Variants in RPTOR observed in about 807,000 individuals in gnomAD.
RPTOR encodes the protein regulatory-associated protein of mTOR.
RPTOR carries 21 observed loss-of-function variants against 169.9 expected under a neutral mutation model. The observed-to-expected ratio is 0.12, with a 90% CI of 0.09 to 0.18. RPTOR has a LOEUF of 0.18. RPTOR is among the 10% of genes least tolerant of loss of function. RPTOR has a pLI of 1.00. For missense variants in RPTOR, 1,133 were observed against 1,855.9 expected, an observed-to-expected ratio of 0.61 and a Z score of 7.16; for synonymous variants, 732 against 753.2, an observed-to-expected ratio of 0.97 and a Z score of 0.46.
chr17:80,615,756 C>T (rs1169071049), intron 1 of RPTOR, among the ~76,000 whole-genome samples: 1 of 152,170 alleles, frequency 6.6e-6, no homozygotes, highest in Admixed American at 6.5e-5. Context: ...TTCCCTTCCT[C>T]CATTCTTTTT....
chr17:80,832,429 G>C (rs574964963), intron 9 of RPTOR, among the ~76,000 whole-genome samples: 1 of 152,182 alleles, frequency 6.6e-6, no homozygotes, highest in African/African-American at 2.4e-5. Context: ...TCGCCCCCCT[G>C]TCCTGTGGCA....
chr17:80,694,517 A>C (rs1003942534), intron 3 of RPTOR, among the ~76,000 whole-genome samples: 7 of 152,042 alleles, frequency 4.6e-5, no homozygotes, highest in African/African-American at 1.7e-4. Context: ...CTTTCCCGTG[A>C]ATGTGTTGGT....
At chr17:80,677,573 C>T (rs752117909) in intron 3 of RPTOR, among the ~76,000 whole-genome samples, 2 of 152,132 alleles carry the variant, frequency 1.3e-5, no homozygotes, top group Non-Finnish European at 2.9e-5. Flanking sequence ...GCCTCACCTC[C>T]CACCTTCCCT....
At chr17:80,577,168 A>G (rs188929635) in intron 1 of RPTOR, among the ~76,000 whole-genome samples, 166 of 152,160 alleles carry the variant, frequency 1.1e-3, no homozygotes, top group African/African-American at 3.6e-3. Context: ...AGTAGCTGAA[A>G]TTACAGGCAT....
chr17:80,799,698 C>T (rs914870110), intron 7 of RPTOR, among the ~76,000 whole-genome samples: 6 of 152,080 alleles, frequency 3.9e-5, no homozygotes, highest in Admixed American at 6.5e-5. Flanking sequence ...GTCTGCCTCA[C>T]GCTCTGCACA....
At chr17:80,829,660 G>A (rs1362220099) in intron 9 of RPTOR, among the ~76,000 whole-genome samples, 1 of 152,202 alleles carries the variant, frequency 6.6e-6, no homozygotes, top group Non-Finnish European at 1.5e-5. Flanking sequence ...GCAGTGCCGC[G>A]TGCATGGAGA....
Position 80,651,682 on chromosome 17 carries a change from ACCAGCCTGG to A in RPTOR, c.348+7876_348+7884del, listed in dbSNP as rs2065640804. 6.6e-6 allele frequency among the ~76,000 whole-genome samples: 1 copy of A among 151,298 alleles called. No individual in the cohort carries two copies. Among genetic ancestry groups the A allele is most frequent in the Non-Finnish European group, 1.5e-5 (1 of 67,904 alleles). On this transcript the variant is annotated intron_variant, in intron 3 of 33. Coordinates refer to ENST00000306801, the MANE Select transcript of RPTOR (RefSeq NM_020761.3). This position sits in a 1 kb window ranked among gnomAD's most constrained non-coding sequence, Gnocchi z 4.1. ...GATCACCTGAGGTCAAGAGTTGGAGACCAGCCTGGCCAACATGGTGAAACCTTGTCTCTA... is the reference window on the plus strand; with the variant it reads ...GATCACCTGAGGTCAAGAGTTGGAGACCAACATGGTGAAACCTTGTCTCTA...
intron 14 of RPTOR, 75 bp from the exon 15 acceptor site, chr17:80,883,344 G>A: frequency 7.6e-7 from 1 of 1,312,688 alleles, no homozygotes; most frequent in Non-Finnish European, 1.1e-6. Flanking sequence ...GATTCCGAAA[G>A]GATCACGCTG....
At chr17:80,902,623 C>A (rs867273743) in intron 20 of RPTOR, among the ~76,000 whole-genome samples, 3 of 152,390 alleles carry the variant, frequency 2.0e-5, no homozygotes, top group African/African-American at 2.4e-5. Context: ...GTGTTCCTGA[C>A]GGCCACAAGT....
At chr17:80,576,657 A>G (rs1287058417) in intron 1 of RPTOR, among the ~76,000 whole-genome samples, 11 of 152,186 alleles carry the variant, frequency 7.2e-5, no homozygotes, top group Admixed American at 6.5e-4. Flanking sequence ...ATGACGGTCT[A>G]CTGATGCCAC....
At chr17:80,710,816 T>G (rs2066183852) in intron 4 of RPTOR, among the ~76,000 whole-genome samples, 1 of 152,228 alleles carries the variant, frequency 6.6e-6, no homozygotes, top group Non-Finnish European at 1.5e-5. Context: ...ACAGGGATTC[T>G]TCTTTGTCTT....
intron 21 of RPTOR, among the ~76,000 whole-genome samples, chr17:80,913,087 C>A (rs761410161): frequency 6.6e-5 from 10 of 152,162 alleles, no homozygotes; most frequent in Non-Finnish European, 1.0e-4. Context: ...GCTACTAAAG[C>A]ATTTGGAAGC....
At chr17:80,622,344 T>A (rs923885453) in intron 1 of RPTOR, among the ~76,000 whole-genome samples, 1 of 152,224 alleles carries the variant, frequency 6.6e-6, no homozygotes, top group Admixed American at 6.5e-5. Context: ...AATGTCTAGT[T>A]TTAAGCAGTT....
At chr17:80,804,870 T>C (rs1173821800) in intron 7 of RPTOR, 1 of 152,268 alleles carries the variant, frequency 6.6e-6, no homozygotes, top group Non-Finnish European at 1.5e-5. Flanking sequence ...GGGTTCCATG[T>C]GGACCTGACA....
chr17:80,930,219 T>TCACCTCATCCC (rs2068863959), intron 24 of RPTOR, among the ~76,000 whole-genome samples: 4 of 25,856 alleles, frequency 1.5e-4, no homozygotes, highest in Non-Finnish European at 2.2e-4. Context: ...CAGCTCATCC[T>TCACCTCATCCC]CAGCTCATCC....
Position 80,820,978 on chromosome 17 carries a change from T to G in RPTOR, c.891-1223T>G, listed in dbSNP as rs11653207. On this transcript the variant is annotated intron_variant, in intron 7 of 33. Coordinates refer to ENST00000306801, the MANE Select transcript of RPTOR (RefSeq NM_020761.3). The surrounding 1 kb of genome is among the most constrained non-coding windows in gnomAD (Gnocchi z 4.1). Reference sequence around the variant, plus strand: ...CTTTGTTTGAGACTTCCGGCATTGTTTGAGCAGCAGTGCTGCTTTAGAATA... The same window carrying G: ...CTTTGTTTGAGACTTCCGGCATTGTGTGAGCAGCAGTGCTGCTTTAGAATA... Among the ~76,000 whole-genome samples, 24,166 of 152,308 alleles carry G rather than the reference T, an allele frequency of 0.16. 2,004 individuals carry two copies. Among genetic ancestry groups the G allele is most frequent in the Middle Eastern group, 0.22 (65 of 294 alleles).
intron 3 of RPTOR, among the ~76,000 whole-genome samples, chr17:80,661,425 C>A (rs983234443): frequency 6.6e-6 from 1 of 152,154 alleles, no homozygotes; most frequent in African/African-American, 2.4e-5. Flanking sequence ...CGCGGGAGCC[C>A]CAGGACTCAC....
chr17:80,730,604 G>A lies in RPTOR; in HGVS notation c.552G>A (p.Thr184=), dbSNP rs775957479. Reference sequence around the variant, plus strand: ...CTCTGTCCATATATGACCTGCAGACGTGGATGGGCAGCCCGTCGATCTTCG... The same window carrying A: ...CTCTGTCCATATATGACCTGCAGACATGGATGGGCAGCCCGTCGATCTTCG... The part of the protein sequence containing the change: ...YIPLSIYDLQ[T]WMGSPSIFVY... The change falls in exon 5 of 34, where the codon ACG becomes ACA. Residue 184 remains threonine, a synonymous_variant. Coordinates refer to ENST00000306801, the MANE Select transcript of RPTOR (RefSeq NM_020761.3). The surrounding 1 kb of genome is among the most constrained non-coding windows in gnomAD (Gnocchi z 4.2). 6.2e-6 allele frequency: 10 copies of A among 1,614,162 alleles called. No individual in the cohort carries two copies. Among genetic ancestry groups the A allele is most frequent in the Admixed American group, 1.7e-5 (1 of 60,022 alleles).
chr17:80,925,956 T>C (rs111462558), intron 24 of RPTOR, among the ~76,000 whole-genome samples: 2,922 of 152,338 alleles, frequency 0.019, 105 homozygotes, highest in African/African-American at 0.067. Flanking sequence ...TCCTGCAGGC[T>C]GGGGCAGGGC....
Sources: allele counts gnomAD v4.1 joint callset (sites outside exome capture counted in the v4.1 genomes callset), GRCh38; gene constraint gnomAD v4.1.1; non-coding constraint Gnocchi (gnomAD v3.1); transcripts MANE v1.5; gene names NCBI Gene and HGNC (gene_info 2026-07-23, HGNC 2026-07-21).